TMEM132B: variants seen among roughly 807,000 people sequenced by gnomAD.
The protein encoded by TMEM132B is transmembrane protein 132B.
A neutral mutation model predicts 90.8 loss-of-function variants in TMEM132B; 18 were observed. That is an observed-to-expected ratio of 0.20 (90% CI 0.14 to 0.29). The LOEUF is 0.29. Ranked by LOEUF, TMEM132B falls within the 10% of genes least tolerant of loss-of-function variation. The probability of loss-of-function intolerance (pLI) is 1.00; values close to 1 mark genes in which losing one functional copy is unlikely to be tolerated. For missense variants in TMEM132B, 1,096 were observed against 1,326.8 expected (o/e 0.83, Z 2.70); for synonymous variants, 504 against 523.3 (o/e 0.96, Z 0.50).
intron 5 of TMEM132B, among the ~76,000 whole-genome samples, chr12:125,611,155 A>G (rs1885815323): frequency 6.6e-6 from 1 of 151,926 alleles, no homozygotes; most frequent in Non-Finnish European, 1.5e-5. Flanking sequence ...GGATTTGACC[A>G]TTTCCTCTTA....
chr12:125,569,910 C>T (rs1042924297), intron 4 of TMEM132B, among the ~76,000 whole-genome samples: 4 of 152,062 alleles, frequency 2.6e-5, no homozygotes, highest in Non-Finnish European at 5.9e-5. Flanking sequence ...ATTGGTTCAG[C>T]ATGGTTCATT....
intron 1 of TMEM132B, among the ~76,000 whole-genome samples, chr12:125,195,433 T>C (rs1367358052): frequency 7.1e-6 from 1 of 141,252 alleles, no homozygotes; most frequent in Non-Finnish European, 1.5e-5. Context: ...AGTTTTACTC[T>C]TGTTGCCCAG....
chr12:125,588,229 C>T (rs1449009380), intron 5 of TMEM132B: 1 of 152,134 alleles, frequency 6.6e-6, no homozygotes, highest in Non-Finnish European at 1.5e-5. Flanking sequence ...GCCTAGTTTC[C>T]TTATCTATAA....
chr12:125,214,891 A>G (rs921656151), intron 1 of TMEM132B, among the ~76,000 whole-genome samples: 1 of 152,182 alleles, frequency 6.6e-6, no homozygotes, highest in Non-Finnish European at 1.5e-5. Flanking sequence ...GACTGAGGGC[A>G]TTGCTTCCCT....
At chr12:125,267,131 C>T (rs563744814) in intron 1 of TMEM132B, among the ~76,000 whole-genome samples, 205 of 152,226 alleles carry the variant, frequency 1.3e-3, no homozygotes, top group African/African-American at 4.9e-3. Context: ...CAGAAAAGAC[C>T]GTTTTTTCCC....
chr12:125,577,318 C>A (rs985195551), intron 4 of TMEM132B, among the ~76,000 whole-genome samples: 5 of 151,136 alleles, frequency 3.3e-5, no homozygotes, highest in African/African-American at 1.2e-4. Flanking sequence ...AAGACTGAGC[C>A]CCTTTTTAAT....
chr12:125,223,536 A>G (rs1873605937), intron 1 of TMEM132B, among the ~76,000 whole-genome samples: 1 of 152,236 alleles, frequency 6.6e-6, no homozygotes, highest in Non-Finnish European at 1.5e-5. Flanking sequence ...ATCATATGAA[A>G]CATTTGAAAG....
chr12:125,312,994 C>A (rs1420246554), intron 1 of TMEM132B, among the ~76,000 whole-genome samples: 1 of 152,232 alleles, frequency 6.6e-6, no homozygotes, highest in East Asian at 1.9e-4. Flanking sequence ...GAAGCCTGCA[C>A]ATGCTCAGGA....
chr12:125,254,022 G>A (rs1874374128), intron 1 of TMEM132B, among the ~76,000 whole-genome samples: 7 of 152,188 alleles, frequency 4.6e-5, no homozygotes, highest in Admixed American at 2.6e-4. Flanking sequence ...GGGCGCGGTG[G>A]CTCATGCCTG....
intron 4 of TMEM132B, among the ~76,000 whole-genome samples, chr12:125,541,655 A>G (rs1249932442): frequency 6.6e-6 from 1 of 152,052 alleles, no homozygotes; most frequent in Admixed American, 6.6e-5. Context: ...CCATAGTGCT[A>G]TCCTGCCTAA....
intron 1 of TMEM132B, among the ~76,000 whole-genome samples, chr12:125,322,769 C>G (rs950689274): frequency 6.6e-6 from 1 of 152,180 alleles, no homozygotes; most frequent in African/African-American, 2.4e-5. Context: ...TTCCATCTTA[C>G]CCCTCAGCAA....
chr12:125,609,270 A>G (rs1217069962), intron 5 of TMEM132B, among the ~76,000 whole-genome samples: 5 of 152,294 alleles, frequency 3.3e-5, no homozygotes, highest in South Asian at 2.1e-4. Flanking sequence ...TTTAATTTCT[A>G]TTCCATTGAA....
intron 2 of TMEM132B, among the ~76,000 whole-genome samples, chr12:125,383,360 G>A (rs1348237489): frequency 6.6e-6 from 1 of 152,040 alleles, no homozygotes; most frequent in Non-Finnish European, 1.5e-5. Flanking sequence ...ATATTTTTTG[G>A]GAAGTAAGTT....
chr12:125,352,910 C>A (rs1877636343), intron 2 of TMEM132B, among the ~76,000 whole-genome samples: 1 of 152,194 alleles, frequency 6.6e-6, no homozygotes, highest in Non-Finnish European at 1.5e-5. Context: ...CTTGATTTAG[C>A]CTTTGGCTGT....
rs1470416189 is a variant in TMEM132B, at chr12:125,408,645, C to T, written c.960-6886C>T. On this transcript the variant is annotated intron_variant, in intron 2 of 8. Coordinates refer to ENST00000682704, the MANE Select transcript of TMEM132B (RefSeq NM_001366854.1). The surrounding 1 kb of genome is among the most constrained non-coding windows in gnomAD (Gnocchi z 5.9). Reference sequence around the variant, plus strand: ...AGGCAATGAGCATTTTGGGTTGTTTCCATTTTGGGCTGATGGCAGGGCTGT... The same window carrying T: ...AGGCAATGAGCATTTTGGGTTGTTTTCATTTTGGGCTGATGGCAGGGCTGT... 6.6e-6 allele frequency among the ~76,000 whole-genome samples: 1 copy of T among 152,144 alleles called. No homozygotes were observed. Among genetic ancestry groups the T allele is most frequent in the African/African-American group, 2.4e-5 (1 of 41,434 alleles).
At chr12:125,379,741 A>T (rs1226851127) in intron 2 of TMEM132B, among the ~76,000 whole-genome samples, 1 of 152,208 alleles carries the variant, frequency 6.6e-6, no homozygotes, top group African/African-American at 2.4e-5. Flanking sequence ...AGGGAGGCAG[A>T]TTGAAAATGC....
Position 125,567,859 on chromosome 12 carries a change from A to G in TMEM132B, c.1294-15992A>G, listed in dbSNP as rs901415261. On this transcript the variant is annotated intron_variant, in intron 4 of 8. Transcript: ENST00000682704. ...TTCTAATTGAAGGAGTGCTAGTATAATAGGTGGTGCAAGGAATTAGAGAAT... is the reference window on the plus strand; with the variant it reads ...TTCTAATTGAAGGAGTGCTAGTATAGTAGGTGGTGCAAGGAATTAGAGAAT... Among the ~76,000 whole-genome samples the G allele has an allele frequency of 5.9e-5, 9 of 152,176 alleles. No homozygotes were observed. The East Asian group carries it at 1.7e-3, about 29-fold the overall frequency.
intron 1 of TMEM132B, among the ~76,000 whole-genome samples, chr12:125,239,584 A>G (rs1244497276): frequency 6.6e-6 from 1 of 152,128 alleles, no homozygotes; most frequent in East Asian, 1.9e-4. Flanking sequence ...CTTTTGTTTC[A>G]GCCAGCATCC....
rs148946197 is a variant in TMEM132B, at chr12:125,343,103, T to G, written c.68-6349T>G. The stretch of plus-strand genomic sequence containing the variant: ...AGGAGCAAACTGGGAATTTACAGCA[T>G]CACCCCACCACAGCTGTTATTAATG... On this transcript the variant is annotated intron_variant, in intron 1 of 8. Coordinates refer to ENST00000682704, the MANE Select transcript of TMEM132B (RefSeq NM_001366854.1). Among the ~76,000 whole-genome samples the G allele has an allele frequency of 4.0e-3, 604 of 152,240 alleles. 7 individuals carry two copies. Among genetic ancestry groups the G allele is most frequent in the African/African-American group, 0.013 (546 of 41,544 alleles).
Sources: gnomAD v4.1 joint callset for allele counts (sites outside exome capture counted in the v4.1 genomes callset) on GRCh38, gnomAD v4.1.1 for gene constraint, Gnocchi (gnomAD v3.1) non-coding constraint, MANE v1.5 for transcripts, NCBI Gene and HGNC (gene_info 2026-07-23, HGNC 2026-07-21) for gene names.